Variants in HERC3 observed in about 807,000 individuals in gnomAD.
HERC3 encodes the protein probable E3 ubiquitin-protein ligase HERC3.
A neutral mutation model predicts 129.9 loss-of-function variants in HERC3; 58 were observed. That is an observed-to-expected ratio of 0.45 (90% confidence interval 0.36 to 0.56). The LOEUF (loss-of-function observed/expected upper bound fraction) is 0.56, where lower values mean the gene tolerates loss of function less well. Ranked by LOEUF, HERC3 falls within the 20% of genes least tolerant of loss-of-function variation. The probability of loss-of-function intolerance (pLI) is 0.00; values close to 1 mark genes in which losing one functional copy is unlikely to be tolerated. For synonymous variants in HERC3, 430 were observed against 451.0 expected, an observed-to-expected ratio of 0.95 and a Z score of 0.59; for missense variants, 835 against 1,244.2, an observed-to-expected ratio of 0.67 and a Z score of 4.95.
chr4:88,681,043 A>G lies in HERC3; in HGVS notation c.2341-116A>G, dbSNP rs1732719212. The stretch of plus-strand genomic sequence containing the variant: ...TTTCTTTGCTACAGAAGGTAACTAA[A>G]TATTAATGAGACCTTTATTCTTTTA... On this transcript the variant is annotated intron_variant, in intron 20 of 25. Coordinates refer to ENST00000402738, the MANE Select transcript of HERC3 (RefSeq NM_014606.3). 4 of 1,460,484 alleles carry G rather than the reference A, an allele frequency of 2.7e-6. No homozygotes were observed. In the African/African-American group the frequency reaches 5.7e-5, roughly 21 times the overall value. 90.5% of individuals were successfully genotyped at this position (1,460,484 alleles called of 1,614,324 possible).
the HERC3 span, among the ~76,000 whole-genome samples, chr4:88,537,955 A>C: frequency 6.6e-6 from 1 of 152,192 alleles, no homozygotes; most frequent in Non-Finnish European, 1.5e-5. Context: ...CTTGTCAAAA[A>C]CCTTCTGACA....
At chr4:88,606,184 C>T in intron 3 of HERC3, 135 bp downstream of exon 3, 1 of 604,038 alleles carries the variant, frequency 1.7e-6, no homozygotes, top group East Asian at 2.8e-5. Flanking sequence ...TGCAGGGATT[C>T]CTTCCTGTTT....
At chr4:88,537,769 C>T in the HERC3 span, among the ~76,000 whole-genome samples, 2 of 152,150 alleles carry the variant, frequency 1.3e-5, no homozygotes, top group Non-Finnish European at 2.9e-5. Context: ...ATTTTTAGTG[C>T]TTTAGCTGCA....
the HERC3 span, among the ~76,000 whole-genome samples, chr4:88,577,605 G>GTATATATATATA: frequency 1.5e-5 from 2 of 131,860 alleles, no homozygotes; most frequent in African/African-American, 8.2e-5. Flanking sequence ...GTATGTGTGT[G>GTATATATATATA]TATATATATA....
chr4:88,630,055 T>C (rs1047975669), intron 3 of HERC3, among the ~76,000 whole-genome samples: 1 of 152,196 alleles, frequency 6.6e-6, no homozygotes, highest in Non-Finnish European at 1.5e-5. Flanking sequence ...AAGTATAGCA[T>C]GTGGTGAAAA....
intron 12 of HERC3, among the ~76,000 whole-genome samples, chr4:88,666,328 C>G (rs115189675): frequency 6.6e-6 from 1 of 152,004 alleles, no homozygotes; most frequent in South Asian, 2.1e-4. Flanking sequence ...GCAATAAATA[C>G]GTATAGATAA....
intron 23 of HERC3, among the ~76,000 whole-genome samples, chr4:88,702,815 C>T (rs974608927): frequency 1.3e-5 from 2 of 152,120 alleles, no homozygotes; most frequent in African/African-American, 2.4e-5. Flanking sequence ...GACAGAATTT[C>T]CCCCCAAAAT....
At chr4:88,702,598 A>G (rs920512284) in intron 23 of HERC3, among the ~76,000 whole-genome samples, 4 of 152,182 alleles carry the variant, frequency 2.6e-5, no homozygotes, top group East Asian at 1.9e-4. Flanking sequence ...TTTCCATCAT[A>G]TGACTCTACC....
intron 19 of HERC3, among the ~76,000 whole-genome samples, chr4:88,679,164 A>G (rs1411678302): frequency 6.6e-6 from 1 of 152,228 alleles, no homozygotes; most frequent in Non-Finnish European, 1.5e-5. Flanking sequence ...TCTGAGGATT[A>G]GGTTTACAGA....
intron 3 of HERC3, among the ~76,000 whole-genome samples, chr4:88,622,237 G>A (rs1197889245): frequency 6.6e-6 from 1 of 152,142 alleles, no homozygotes; most frequent in Non-Finnish European, 1.5e-5. Flanking sequence ...GAGATGATAC[G>A]ATATGTGGTC....
At chr4:88,671,671 G>C (rs902336792) in intron 16 of HERC3, among the ~76,000 whole-genome samples, 1 of 151,958 alleles carries the variant, frequency 6.6e-6, no homozygotes, top group Non-Finnish European at 1.5e-5. Flanking sequence ...CTACAGGTGC[G>C]TGCCATCATG....
At chr4:88,612,713 G>A (rs1252925716) in intron 3 of HERC3, among the ~76,000 whole-genome samples, 2 of 151,996 alleles carry the variant, frequency 1.3e-5, no homozygotes, top group African/African-American at 4.8e-5. Flanking sequence ...TTTCCTTATG[G>A]TTTTTGTCCA....
At chr4:88,594,805 C>T (rs938231563) in intron 1 of HERC3, among the ~76,000 whole-genome samples, 1 of 151,758 alleles carries the variant, frequency 6.6e-6, no homozygotes, top group African/African-American at 2.4e-5. Flanking sequence ...AGGGAAAGAC[C>T]GGGTGCAGTG....
chr4:88,661,507 G>A (rs562374258), intron 10 of HERC3, among the ~76,000 whole-genome samples: 4 of 152,302 alleles, frequency 2.6e-5, no homozygotes, highest in South Asian at 4.1e-4. Flanking sequence ...TGATGAATGA[G>A]TGCTTTAATA....
intron 23 of HERC3, chr4:88,697,244 C>T (rs750607379): frequency 3.2e-6 from 5 of 1,539,622 alleles, no homozygotes; most frequent in Non-Finnish European, 4.4e-6. Flanking sequence ...GCGTGGGCAT[C>T]GTCATGTTTG....
At chr4:88,603,477 G>A (rs976790199) in intron 2 of HERC3, among the ~76,000 whole-genome samples, 7 of 152,180 alleles carry the variant, frequency 4.6e-5, no homozygotes, top group African/African-American at 1.7e-4. Context: ...AAAGTGCTGG[G>A]ATTACAGGTG....
At chr4:88,634,492 A>T (rs2930805) in intron 3 of HERC3, among the ~76,000 whole-genome samples, 1 of 152,018 alleles carries the variant, frequency 6.6e-6, no homozygotes, top group Non-Finnish European at 1.5e-5. Flanking sequence ...TGATCTCCCT[A>T]GGCCTGAACC....
chr4:88,530,397 G>T, the HERC3 span, among the ~76,000 whole-genome samples: 1 of 152,136 alleles, frequency 6.6e-6, no homozygotes, highest in East Asian at 1.9e-4. Context: ...TACATATAAT[G>T]CATTCTTTCG....
chr4:88,644,656 G>A (rs1728504022), intron 3 of HERC3, among the ~76,000 whole-genome samples: 1 of 151,980 alleles, frequency 6.6e-6, no homozygotes, highest in Non-Finnish European at 1.5e-5. Context: ...TGGGGTGATG[G>A]GACTGTTCTG....
Sources: allele counts gnomAD v4.1 joint callset (sites outside exome capture counted in the v4.1 genomes callset), GRCh38; gene constraint gnomAD v4.1.1; transcripts MANE v1.5; gene names NCBI Gene and HGNC (gene_info 2026-07-23, HGNC 2026-07-21).